SGCZ: variants seen among roughly 807,000 people sequenced by gnomAD.
The protein encoded by SGCZ is zeta-sarcoglycan.
SGCZ carries 40 observed loss-of-function variants against 41.3 expected under a neutral mutation model. The ratio of observed to expected loss-of-function variants is 0.97; its 90% CI spans 0.75 to 1.26. The LOEUF (loss-of-function observed/expected upper bound fraction) is 1.26, where lower values mean the gene tolerates loss of function less well. SGCZ is among the 50% of genes most tolerant of loss of function. SGCZ has a pLI of 0.00. For synonymous variants in SGCZ, 206 were observed against 137.5 expected (o/e 1.50, Z -3.49); for missense variants, 552 against 369.8 (o/e 1.49, Z -4.04).
chr8:14,831,183 G>A (rs1311263371), intron 1 of SGCZ, among the ~76,000 whole-genome samples: 6 of 152,152 alleles, frequency 3.9e-5, no homozygotes, highest in Non-Finnish European at 7.3e-5. Flanking sequence ...TAATAAAAAT[G>A]TTATAGAGTA....
chr8:15,091,757 T>A (rs1806160569), intron 1 of SGCZ, among the ~76,000 whole-genome samples: 1 of 152,154 alleles, frequency 6.6e-6, no homozygotes, highest in Admixed American at 6.6e-5. Context: ...TTATTTTTAA[T>A]ATTTATTTAT....
intron 1 of SGCZ, among the ~76,000 whole-genome samples, chr8:14,809,127 GCTAGA>G: frequency 6.6e-6 from 1 of 151,924 alleles, no homozygotes; most frequent in Middle Eastern, 3.4e-3. Context: ...TATACCTAAT[GCTAGA>G]TGACAAGTTA....
intron 1 of SGCZ, among the ~76,000 whole-genome samples, chr8:14,580,672 T>G (rs1051885549): frequency 3.3e-5 from 5 of 152,216 alleles, no homozygotes; most frequent in African/African-American, 1.2e-4. Flanking sequence ...AAATTAGAGT[T>G]TAAAACATTT....
At chr8:14,661,137 G>C (rs936856720) in intron 1 of SGCZ, among the ~76,000 whole-genome samples, 1 of 151,992 alleles carries the variant, frequency 6.6e-6, no homozygotes, top group Non-Finnish European at 1.5e-5. Flanking sequence ...TCATACATAA[G>C]CTAAAAAAAT....
intron 2 of SGCZ, among the ~76,000 whole-genome samples, chr8:14,357,689 A>T (rs1269350460): frequency 6.6e-6 from 1 of 152,190 alleles, no homozygotes; most frequent in South Asian, 2.1e-4. Context: ...CAAACACTTT[A>T]TATGTATTAT....
At chr8:15,206,319 T>A (rs1801061675) in intron 1 of SGCZ, among the ~76,000 whole-genome samples, 1 of 151,912 alleles carries the variant, frequency 6.6e-6, no homozygotes, top group Non-Finnish European at 1.5e-5. Context: ...TACAAAGGGG[T>A]TTCTAGGAAG....
At chr8:15,102,601 G>A (rs1455656685) in intron 1 of SGCZ, among the ~76,000 whole-genome samples, 2 of 152,160 alleles carry the variant, frequency 1.3e-5, no homozygotes, top group Admixed American at 6.5e-5. Context: ...AATACTAGGA[G>A]AAACTGGGAA....
rs953586201 is a variant in SGCZ at position 14,425,620 on chromosome 8, CAAAAAG to C, written c.235-101422_235-101417del. Among the ~76,000 whole-genome samples, 16 of 134,996 alleles carry C rather than the reference CAAAAAG, an allele frequency of 1.2e-4. No individual in the cohort carries two copies. The East Asian group carries it at 1.9e-3, about 16-fold the overall frequency. 88.6% of individuals were successfully genotyped at this position (134,996 alleles called of 152,430 possible). On this transcript the variant is annotated intron_variant, in intron 2 of 7. Transcript: ENST00000382080. Reference sequence around the variant, plus strand: ...TGGTTGACAGAGGGAGAATCCCTCTCAAAAAGAAAAAGAAAAAGAAAAAAAAAAAGA... The same window carrying C: ...TGGTTGACAGAGGGAGAATCCCTCTCAAAAAGAAAAAGAAAAAAAAAAAGA...
chr8:15,065,260 G>C (rs1805086933), intron 1 of SGCZ, among the ~76,000 whole-genome samples: 1 of 151,910 alleles, frequency 6.6e-6, no homozygotes, highest in African/African-American at 2.4e-5. Context: ...CATTTCCTAT[G>C]ATTCAGTTTG....
At chr8:14,408,477 C>A (rs1447523479) in intron 2 of SGCZ, among the ~76,000 whole-genome samples, 1 of 152,108 alleles carries the variant, frequency 6.6e-6, no homozygotes, top group Non-Finnish European at 1.5e-5. Flanking sequence ...CCCTGCCCTC[C>A]ATTTACCCAG....
At chr8:14,199,274 C>G (rs1805377865) in intron 4 of SGCZ, among the ~76,000 whole-genome samples, 1 of 152,108 alleles carries the variant, frequency 6.6e-6, no homozygotes, top group Non-Finnish European at 1.5e-5. Context: ...TGAAATAAGC[C>G]CCTGTCTCCC....
Position 14,844,887 on chromosome 8 carries a change from T to C in SGCZ, c.40-289961A>G, listed in dbSNP as rs77305065. Among the ~76,000 whole-genome samples the C allele has an allele frequency of 1.3e-4, 20 of 152,196 alleles. No homozygotes were observed. In the East Asian group the frequency reaches 3.9e-3, roughly 29 times the overall value. On this transcript the variant is annotated intron_variant, in intron 1 of 7. Coordinates refer to ENST00000382080, the MANE Select transcript of SGCZ (RefSeq NM_139167.4). ...TACAATGCAAGCCTTACAATGCAAG[T>C]CTCATCTTACAGCTGTGACAGAGTT...
At chr8:14,294,185 C>T (rs1800937066) in intron 3 of SGCZ, among the ~76,000 whole-genome samples, 1 of 151,688 alleles carries the variant, frequency 6.6e-6, no homozygotes, top group Admixed American at 6.6e-5. Flanking sequence ...AAACTCTCCA[C>T]TTATTTGGAA....
At chr8:15,078,155 T>C (rs1805611656) in intron 1 of SGCZ, among the ~76,000 whole-genome samples, 1 of 127,286 alleles carries the variant, frequency 7.9e-6, no homozygotes, top group African/African-American at 2.9e-5. Flanking sequence ...TTCTTTTTTT[T>C]TTTTTTTTTT....
rs1039787912 is a variant in SGCZ, at chr8:14,647,121, T to C, written c.40-92195A>G. Among the ~76,000 whole-genome samples the C allele has an allele frequency of 2.6e-5, 4 of 151,816 alleles. No individual in the cohort carries two copies. In the East Asian group the frequency reaches 5.8e-4, roughly 22 times the overall value. On this transcript the variant is annotated intron_variant, in intron 1 of 7. Coordinates refer to ENST00000382080, the MANE Select transcript of SGCZ (RefSeq NM_139167.4). ...GCTGCATACTCCAATCCCCCCAACA[T>C]CTCCCTTGCGCAGAAACATCTAGAC...
intron 1 of SGCZ, among the ~76,000 whole-genome samples, chr8:15,009,860 C>A (rs983362694): frequency 6.6e-6 from 1 of 152,144 alleles, no homozygotes; most frequent in Non-Finnish European, 1.5e-5. Context: ...ATGTGTCATA[C>A]AATAATTTCC....
At chr8:14,180,451 C>T (rs1045234737) in intron 4 of SGCZ, among the ~76,000 whole-genome samples, 3 of 151,954 alleles carry the variant, frequency 2.0e-5, no homozygotes, top group Non-Finnish European at 2.9e-5. Context: ...GGGCCTGGTA[C>T]GCTGATGGGT....
At chr8:14,103,092 G>A (rs182104183) in intron 6 of SGCZ, among the ~76,000 whole-genome samples, 40 of 152,160 alleles carry the variant, frequency 2.6e-4, no homozygotes, top group Admixed American at 4.6e-4. Context: ...TGTTGGCCCC[G>A]TGAAATGTCC....
At chr8:15,236,202 T>C (rs575397573) in intron 1 of SGCZ, among the ~76,000 whole-genome samples, 7 of 152,298 alleles carry the variant, frequency 4.6e-5, no homozygotes, top group African/African-American at 1.7e-4. Context: ...CTACAGTCAG[T>C]GGCAGGGCGA....
Sources: gnomAD v4.1 joint callset for allele counts (sites outside exome capture counted in the v4.1 genomes callset) on GRCh38, gnomAD v4.1.1 for gene constraint, MANE v1.5 for transcripts, NCBI Gene and HGNC (gene_info 2026-07-23, HGNC 2026-07-21) for gene names.